Variants in KAT7 observed in about 807,000 individuals in gnomAD.
The protein encoded by KAT7 is lysine acetyltransferase 7.
Under a neutral mutation model 82.1 loss-of-function variants are expected in KAT7, and 10 were observed. That is an observed-to-expected ratio of 0.12 (90% CI 0.08 to 0.21). The LOEUF (loss-of-function observed/expected upper bound fraction) is 0.21, where lower values mean the gene tolerates loss of function less well. Among genes scored for constraint, KAT7 ranks in the 10% least tolerant of loss-of-function variants. The pLI is 1.00. For missense variants in KAT7, 378 were observed against 760.9 expected, an observed-to-expected ratio of 0.50 and a Z score of 5.92; for synonymous variants, 250 against 262.5, an observed-to-expected ratio of 0.95 and a Z score of 0.46.
In KAT7 at chr17:49,826,612, A is replaced by C. The variant is rs2074371323; in HGVS notation, c.1628-81A>C. ...GATTCTGTCCATTTGGATTTCCTTT[A>C]AGGGAAAGTAGACCTTGGTTGGGGG... is the stretch of plus-strand genomic sequence containing the variant. On this transcript the variant is annotated intron_variant, in intron 13 of 14. Transcript: ENST00000259021. The C allele has an allele frequency of 7.0e-6, 6 of 858,212 alleles. No homozygotes were observed. The South Asian group carries it at 8.3e-5, about 12-fold the overall frequency. The allele number at this position is 858,212 out of a possible 1,614,324, so 53.2% of individuals were successfully genotyped here.
At chr17:49,819,729 G>GAAAT (rs1484785290) in intron 9 of KAT7, among the ~76,000 whole-genome samples, 1 of 152,166 alleles carries the variant, frequency 6.6e-6, no homozygotes, top group Non-Finnish European at 1.5e-5. Flanking sequence ...TCACTGAAAT[G>GAAAT]AAATGATCTT....
chr17:49,796,692 T>C (rs1428731060), intron 2 of KAT7, 58 bp from the exon 3 acceptor site: 1 of 1,356,820 alleles, frequency 7.4e-7, no homozygotes, highest in East Asian at 2.3e-5. Flanking sequence ...ATTATATGGA[T>C]AGGAAGTAAA....
At chr17:49,825,947 A>G in intron 12 of KAT7, 53 bp from the exon 13 acceptor site, 2 of 1,552,352 alleles carry the variant, frequency 1.3e-6, no homozygotes, top group Non-Finnish European at 8.7e-7. Flanking sequence ...GTTTTTTGCT[A>G]TTAGGATAAG....
rs904976851 is a variant in KAT7, at chr17:49,830,970, T to A, written c.*3468T>A. ...TTTAATTATTAACCAAATTAACTCATTACAGTAAAAAGGACTGATTTTTAA... is the reference window on the plus strand; with the variant it reads ...TTTAATTATTAACCAAATTAACTCAATACAGTAAAAAGGACTGATTTTTAA... On this transcript the variant is annotated 3_prime_UTR_variant, in exon 15 of 15. Transcript: ENST00000259021. The A allele has an allele frequency of 3.3e-5, 5 of 152,326 alleles. No homozygotes were observed. The East Asian group carries it at 5.8e-4, about 18-fold the overall frequency. 9.4% of individuals were successfully genotyped at this position (152,326 alleles called of 1,614,324 possible).
At chr17:49,792,081 T>C (rs1409472664) in intron 2 of KAT7, 48 bp downstream of exon 2, 1 of 1,579,624 alleles carries the variant, frequency 6.3e-7, no homozygotes, top group South Asian at 1.1e-5. Flanking sequence ...TCTGGCTGAC[T>C]GGCCCATCAC....
chr17:49,816,793 C>T (rs2074240137), intron 8 of KAT7, among the ~76,000 whole-genome samples: 2 of 152,104 alleles, frequency 1.3e-5, no homozygotes, highest in Non-Finnish European at 2.9e-5. Flanking sequence ...CTCAGAGCCA[C>T]TGAATGGAGA....
At chr17:49,821,221 G>T in intron 9 of KAT7, 116 bp from the exon 10 acceptor site, 2 of 679,358 alleles carry the variant, frequency 2.9e-6, no homozygotes, top group South Asian at 3.9e-5. Flanking sequence ...TTCTCAGCTT[G>T]TCCAACTGTC....
At position 49,833,245 on chromosome 17, in the gene KAT7, G is replaced by A. The variant is rs1206847532; in HGVS notation, c.*5743G>A. The A allele has an allele frequency of 6.6e-6, 1 of 152,186 alleles. No individual in the cohort carries two copies. The highest frequency in any genetic ancestry group is 1.5e-5 in the Non-Finnish European group (1 of 68,044). 9.4% of individuals were successfully genotyped at this position (152,186 alleles called of 1,614,324 possible). A position where few individuals can be genotyped will look rare whatever the true frequency, so the allele number is the denominator to read the frequency against. ...CCATGGCTCCTCACAAATGTTCCAT[G>A]TGAGATATAAACATCTTTATCCTCG... On this transcript the variant is annotated 3_prime_UTR_variant, in exon 15 of 15. Coordinates refer to ENST00000259021, the MANE Select transcript of KAT7 (RefSeq NM_007067.5).
chr17:49,794,436 C>T (rs1245329165), intron 2 of KAT7, among the ~76,000 whole-genome samples: 1 of 152,228 alleles, frequency 6.6e-6, no homozygotes, highest in Non-Finnish European at 1.5e-5. Context: ...CAGGCGAGCA[C>T]CACCATACCT....
intron 13 of KAT7, chr17:49,826,437 G>A (rs2143997006): frequency 3.9e-6 from 2 of 507,278 alleles, no homozygotes; most frequent in Admixed American, 7.1e-5. Flanking sequence ...ATTTATGCAA[G>A]GGTGGAACAA....
chr17:49,815,621 T>G, intron 7 of KAT7, 182 bp from the exon 8 acceptor site: 1 of 454,188 alleles, frequency 2.2e-6, no homozygotes, highest in Non-Finnish European at 3.9e-6. Context: ...GGGTGGGTAG[T>G]GGGAGTCTTG....
At chr17:49,817,009 T>C (rs534740460) in intron 8 of KAT7, among the ~76,000 whole-genome samples, 1 of 152,262 alleles carries the variant, frequency 6.6e-6, no homozygotes, top group South Asian at 2.1e-4. Flanking sequence ...GTTTAGATTC[T>C]AGAATTATCA....
chr17:49,790,081 T>C (rs1487466635), intron 1 of KAT7: 1 of 152,246 alleles, frequency 6.6e-6, no homozygotes, highest in Non-Finnish European at 1.5e-5. Context: ...CTGGGTGGTA[T>C]TCTTGCTCAT....
chr17:49,795,988 A>G (rs1389481668), intron 2 of KAT7, among the ~76,000 whole-genome samples: 2 of 151,416 alleles, frequency 1.3e-5, no homozygotes, highest in Admixed American at 6.6e-5. Flanking sequence ...TAAAAAAAAA[A>G]GCACAAAAAA....
chr17:49,809,419 GTAGTAA>G (rs1219688581), intron 6 of KAT7, among the ~76,000 whole-genome samples: 3 of 152,198 alleles, frequency 2.0e-5, no homozygotes, highest in African/African-American at 7.2e-5. Flanking sequence ...ATCTACAGTA[GTAGTAA>G]TAGTAGTAGC....
chr17:49,808,123 T>TC (rs1484741001), intron 5 of KAT7, among the ~76,000 whole-genome samples: 2 of 144,938 alleles, frequency 1.4e-5, no homozygotes, highest in Non-Finnish European at 3.0e-5. Context: ...AGGTTTTCTT[T>TC]TTTTTTTTTT....
At position 49,832,857 on chromosome 17, in the gene KAT7, C is replaced by T. The variant is rs2074435506; in HGVS notation, c.*5355C>T. 1 of 152,180 alleles carries T rather than the reference C, an allele frequency of 6.6e-6. No homozygotes were observed. Among genetic ancestry groups the T allele is most frequent in the African/African-American group, 2.4e-5 (1 of 41,440 alleles). The allele number at this position is 152,180 out of a possible 1,614,324, so 9.4% of individuals were successfully genotyped here. A position where few individuals can be genotyped will look rare whatever the true frequency, so the allele number is the denominator to read the frequency against. ...GTGTGCTAGGACTTCTAGAAGCCAC[C>T]CTTTGCTTTGCTGTTCATTGGGATC... On this transcript the variant is annotated 3_prime_UTR_variant, in exon 15 of 15. Transcript: ENST00000259021.
At chr17:49,826,281 C>T (rs1213348853) in intron 13 of KAT7, 135 bp downstream of exon 13, 17 of 829,390 alleles carry the variant, frequency 2.0e-5, no homozygotes, top group Admixed American at 2.7e-5. Context: ...CTAAAGCTGC[C>T]TAGGAATCCA....
chr17:49,788,899 A>G (rs1476391524), intron 1 of KAT7, 50 bp downstream of exon 1: 4 of 1,517,418 alleles, frequency 2.6e-6, no homozygotes, highest in East Asian at 5.1e-5. Flanking sequence ...CAGTCGATTG[A>G]GCACCGTGAC....
Sources: gnomAD v4.1 joint callset for allele counts (sites outside exome capture counted in the v4.1 genomes callset) on GRCh38, gnomAD v4.1.1 for gene constraint, MANE v1.5 for transcripts, NCBI Gene and HGNC (gene_info 2026-07-23, HGNC 2026-07-21) for gene names.